The following GRK3 variants were observed in gnomAD, a reference collection of about 807,000 sequenced individuals.
GRK3 encodes the protein G protein-coupled receptor kinase 3, also known as adrenergic, beta, receptor kinase 2.
GRK3 carries 54 observed loss-of-function variants against 95.7 expected under a neutral mutation model. That is an observed-to-expected ratio of 0.56 (90% CI 0.45 to 0.71). The LOEUF is 0.71. Ranked by LOEUF, GRK3 falls within the 30% of genes least tolerant of loss-of-function variation. The pLI, the probability that GRK3 is intolerant of heterozygous loss-of-function variation, is 0.00. For synonymous variants in GRK3, 281 were observed against 290.8 expected, an observed-to-expected ratio of 0.97 and a Z score of 0.34; for missense variants, 649 against 851.2, an observed-to-expected ratio of 0.76 and a Z score of 2.96.
intron 1 of GRK3, among the ~76,000 whole-genome samples, chr22:25,565,675 G>A (rs1303474544): frequency 6.6e-6 from 1 of 152,170 alleles, no homozygotes; most frequent in African/African-American, 2.4e-5. Flanking sequence ...ATTGTCCGAG[G>A]TAGTTAAACT....
At chr22:25,667,655 C>T (rs1308485610) in intron 5 of GRK3, 84 bp from the exon 6 acceptor site, 17 of 952,804 alleles carry the variant, frequency 1.8e-5, no homozygotes, top group Non-Finnish European at 2.0e-5. Flanking sequence ...TTGGGAACTT[C>T]GCTTAACCTG....
At chr22:25,691,541 C>T (rs1470437945) in intron 12 of GRK3, among the ~76,000 whole-genome samples, 1 of 152,226 alleles carries the variant, frequency 6.6e-6, no homozygotes, top group Non-Finnish European at 1.5e-5. Flanking sequence ...AAAGCATTAG[C>T]ATTTTGCTAG....
intron 3 of GRK3, chr22:25,649,182 G>T (rs1412187185): frequency 7.4e-7 from 1 of 1,357,122 alleles, no homozygotes; most frequent in Non-Finnish European, 1.1e-6. Context: ...GTCCTTCTTG[G>T]GAGACTACTT....
chr22:25,688,190 T>C (rs1330338862), intron 11 of GRK3, among the ~76,000 whole-genome samples: 2 of 145,074 alleles, frequency 1.4e-5, no homozygotes, highest in Non-Finnish European at 3.0e-5. Context: ...GAGCTGAGAT[T>C]GCACCACTGC....
chr22:25,688,414 G>T (rs1601528243), intron 11 of GRK3, among the ~76,000 whole-genome samples: 1 of 152,128 alleles, frequency 6.6e-6, no homozygotes, highest in African/African-American at 2.4e-5. Flanking sequence ...TTAGAAGCTG[G>T]TGAGCTAAGA....
At chr22:25,689,942 C>T (rs1284494475) in intron 11 of GRK3, among the ~76,000 whole-genome samples, 1 of 152,176 alleles carries the variant, frequency 6.6e-6, no homozygotes, top group Non-Finnish European at 1.5e-5. Flanking sequence ...GTTACCTGCC[C>T]CATGTTTCAT....
rs146529573 is a variant in GRK3, at chr22:25,584,410, G to C, written c.113+19257G>C. Among the ~76,000 whole-genome samples the C allele has an allele frequency of 2.4e-4, 37 of 152,350 alleles. No homozygotes were observed. In the East Asian group the frequency reaches 4.8e-3, roughly 20 times the overall value. On this transcript the variant is annotated intron_variant, in intron 1 of 20. Transcript: ENST00000324198. ...CTGCCCTGTGGGTCCCTTAGTACCT[G>C]GCTTAGGTATCAGATCCTTTGTAAC... is the stretch of plus-strand genomic sequence containing the variant.
intron 3 of GRK3, chr22:25,648,436 G>C: frequency 7.8e-7 from 1 of 1,283,772 alleles, no homozygotes; most frequent in Non-Finnish European, 1.1e-6. Flanking sequence ...TAATCTTTGC[G>C]ACTAGAGGTT....
chr22:25,711,855 C>T (rs757252469), intron 17 of GRK3, among the ~76,000 whole-genome samples: 2 of 152,212 alleles, frequency 1.3e-5, no homozygotes, highest in Non-Finnish European at 2.9e-5. Flanking sequence ...GACACAAACC[C>T]GCGTTGCCTT....
At chr22:25,611,105 A>T (rs1206498012) in intron 2 of GRK3, among the ~76,000 whole-genome samples, 1 of 151,772 alleles carries the variant, frequency 6.6e-6, no homozygotes, top group African/African-American at 2.4e-5. Flanking sequence ...CAAGCCATCT[A>T]CTCACCTCAG....
chr22:25,725,831 C>G lies in GRK3; in HGVS notation c.*3381C>G. ...GGGCGTGGTGGCGGGCGCCTGTAGT[C>G]CCAGCTACTTGGGAGGCTGAGGCAG... On this transcript the variant is annotated 3_prime_UTR_variant, in exon 21 of 21. Coordinates refer to ENST00000324198, the MANE Select transcript of GRK3 (RefSeq NM_005160.4). 2.9e-6 allele frequency: 1 copy of G among 340,022 alleles called. No homozygotes were observed. The highest frequency in any genetic ancestry group is 5.3e-6 in the Non-Finnish European group (1 of 189,676). The allele number at this position is 340,022 out of a possible 1,614,324, so 21.1% of individuals were successfully genotyped here.
chr22:25,616,662 G>C (rs1470831095), intron 2 of GRK3, among the ~76,000 whole-genome samples: 1 of 152,330 alleles, frequency 6.6e-6, no homozygotes, highest in Non-Finnish European at 1.5e-5. Flanking sequence ...GGTTGCCGTG[G>C]AAGTAGAGAG....
intron 3 of GRK3, among the ~76,000 whole-genome samples, chr22:25,646,119 T>C (rs2084780553): frequency 6.6e-6 from 1 of 151,994 alleles, no homozygotes. Flanking sequence ...TAGCATGCAG[T>C]AAAGAATTAT....
Position 25,722,505 on chromosome 22 carries a change from G to T in GRK3, c.*55G>T. 6.3e-7 allele frequency: 1 copy of T among 1,581,792 alleles called. No individual in the cohort carries two copies. Among genetic ancestry groups the T allele is most frequent in the East Asian group, 2.3e-5 (1 of 44,416 alleles). On this transcript the variant is annotated 3_prime_UTR_variant, in exon 21 of 21. Coordinates refer to ENST00000324198, the MANE Select transcript of GRK3 (RefSeq NM_005160.4). The stretch of plus-strand genomic sequence containing the variant: ...GGACACACCAGGGTCTCAGCCTTTT[G>T]GGGTGAACGAGGATGAGGCATCTGA...
At chr22:25,685,275 G>A (rs1243245213) in intron 10 of GRK3, 27 bp downstream of exon 10, 13 of 1,536,484 alleles carry the variant, frequency 8.5e-6, no homozygotes, top group Non-Finnish European at 1.2e-5. Context: ...AAATCTGAAT[G>A]CCTTGAAAGA....
intron 1 of GRK3, among the ~76,000 whole-genome samples, chr22:25,571,516 TAAAAG>T (rs1667812621): frequency 6.6e-6 from 1 of 152,162 alleles, no homozygotes; most frequent in Non-Finnish European, 1.5e-5. Flanking sequence ...GAAGGAATAT[TAAAAG>T]AAATGATTAA....
In GRK3 at chr22:25,669,941, A is replaced by AGTGCACCC. The variant is rs2084967886; in HGVS notation, c.503+2142_503+2149dup. Reference sequence around the variant, plus strand: ...GACCAGTCATAGATTTATAAATGGGAGTGCACCCAAATGTGGTTTTGCCTT... The same window carrying AGTGCACCC: ...GACCAGTCATAGATTTATAAATGGGAGTGCACCCGTGCACCCAAATGTGGTTTTGCCTT... On this transcript the variant is annotated intron_variant, in intron 6 of 20. Coordinates refer to ENST00000324198, the MANE Select transcript of GRK3 (RefSeq NM_005160.4). 2.0e-5 allele frequency among the ~76,000 whole-genome samples: 3 copies of AGTGCACCC among 152,240 alleles called. No individual in the cohort carries two copies. In the South Asian group the frequency reaches 6.2e-4, roughly 31 times the overall value.
chr22:25,595,816 G>A (rs1269074452), intron 1 of GRK3, among the ~76,000 whole-genome samples: 1 of 151,802 alleles, frequency 6.6e-6, no homozygotes, highest in African/African-American at 2.4e-5. Context: ...GTGTGGTGGT[G>A]TGCACTTACA....
At chr22:25,661,070 C>T (rs1047325572) in intron 3 of GRK3, among the ~76,000 whole-genome samples, 1 of 152,178 alleles carries the variant, frequency 6.6e-6, no homozygotes, top group African/African-American at 2.4e-5. Flanking sequence ...GGGTTAATTC[C>T]TTTCTATAAT....
Sources: allele counts gnomAD v4.1 joint callset (sites outside exome capture counted in the v4.1 genomes callset), GRCh38; gene constraint gnomAD v4.1.1; transcripts MANE v1.5; gene names NCBI Gene and HGNC (gene_info 2026-07-23, HGNC 2026-07-21).